Variants in ABCC2 observed in about 807,000 individuals in gnomAD.
ABCC2 encodes the protein ATP-binding cassette sub-family C member 2.
In ABCC2, 157 loss-of-function variants were observed where a neutral mutation model predicts 173.4. That is an observed-to-expected ratio of 0.91 (90% confidence interval 0.80 to 1.03). ABCC2 has a LOEUF of 1.03. Among genes scored for constraint, ABCC2 ranks in the 50% least tolerant of loss-of-function variants. ABCC2 has a pLI of 0.00. For synonymous variants in ABCC2, 657 were observed against 693.5 expected, an observed-to-expected ratio of 0.95 and a Z score of 0.83; for missense variants, 1,822 against 1,852.3, an observed-to-expected ratio of 0.98 and a Z score of 0.30.
chr10:99,784,130 G>A (rs1270797736), intron 1 of ABCC2, among the ~76,000 whole-genome samples: 6 of 151,952 alleles, frequency 3.9e-5, no homozygotes, highest in Non-Finnish European at 8.8e-5. Context: ...GGTTTTTAAT[G>A]TAAGCGCTTT....
At chr10:99,815,308 G>T (rs2038389579) in intron 16 of ABCC2, among the ~76,000 whole-genome samples, 1 of 152,068 alleles carries the variant, frequency 6.6e-6, no homozygotes, top group South Asian at 2.1e-4. Flanking sequence ...GTATTCCATG[G>T]TATATATGTA....
At chr10:99,799,483 C>T (rs2037977514) in intron 8 of ABCC2, 113 bp downstream of exon 8, 5 of 1,299,730 alleles carry the variant, frequency 3.8e-6, no homozygotes, top group African/African-American at 1.5e-5. Flanking sequence ...TAAAAATGCT[C>T]GTAATTTTCT....
chr10:99,798,300 A>ACATT (rs2037955805), intron 7 of ABCC2, among the ~76,000 whole-genome samples: 1 of 152,100 alleles, frequency 6.6e-6, no homozygotes, highest in South Asian at 2.1e-4. Flanking sequence ...ATTGTGAGAG[A>ACATT]GTATCACTGG....
chr10:99,834,554 A>T lies in ABCC2; in HGVS notation c.3414+19A>T. 6.2e-7 allele frequency: 1 copy of T among 1,612,518 alleles called. No individual in the cohort carries two copies. Among genetic ancestry groups the T allele is most frequent in the Non-Finnish European group, 8.5e-7 (1 of 1,178,554 alleles). The stretch of plus-strand genomic sequence containing the variant: ...TGTTCAGGTAGGTTTGGAAATGGCT[A>T]AGTCATCCTTCCTTCCTCTCTATCT... On this transcript the variant is annotated intron_variant, in intron 24 of 31. Coordinates refer to ENST00000647814, the MANE Select transcript of ABCC2 (RefSeq NM_000392.5).
At chr10:99,815,802 G>A (rs2038397667) in intron 16 of ABCC2, among the ~76,000 whole-genome samples, 1 of 152,088 alleles carries the variant, frequency 6.6e-6, no homozygotes, top group Non-Finnish European at 1.5e-5. Context: ...TCCTGATTTA[G>A]CAATCACTAA....
intron 7 of ABCC2, 100 bp from the exon 8 acceptor site, chr10:99,799,107 A>T: frequency 7.4e-7 from 1 of 1,357,110 alleles, no homozygotes; most frequent in Non-Finnish European, 1.0e-6. Flanking sequence ...CAAAACCTGT[A>T]CAGAGAAGGC....
chr10:99,844,663 C>T lies in ABCC2; in HGVS notation c.3987+198C>T, dbSNP rs55868143. Among the ~76,000 whole-genome samples, 1,092 of 152,340 alleles carry T rather than the reference C, an allele frequency of 7.2e-3. 9 individuals carry two copies. Among genetic ancestry groups the T allele is most frequent in the Non-Finnish European group, 0.012 (820 of 68,024 alleles). On this transcript the variant is annotated intron_variant, in intron 28 of 31. Coordinates refer to ENST00000647814, the MANE Select transcript of ABCC2 (RefSeq NM_000392.5). ...AGCCAGGGATCACACAGACTTACCG[C>T]AGCTGTCGGGGCCTTCTGCTCAGCT... is the stretch of plus-strand genomic sequence containing the variant.
At chr10:99,785,000 T>C (rs1015560734) in intron 2 of ABCC2, among the ~76,000 whole-genome samples, 3 of 152,188 alleles carry the variant, frequency 2.0e-5, no homozygotes, top group African/African-American at 7.2e-5. Flanking sequence ...TCTTAATTCT[T>C]GTGGATATTG....
intron 9 of ABCC2, among the ~76,000 whole-genome samples, chr10:99,803,248 C>T (rs1181252670): frequency 6.6e-6 from 1 of 152,198 alleles, no homozygotes; most frequent in Non-Finnish European, 1.5e-5. Context: ...GGATTACAGG[C>T]GTGAGCCACT....
chr10:99,843,061 A>G (rs1256488383), intron 26 of ABCC2, among the ~76,000 whole-genome samples: 1 of 152,054 alleles, frequency 6.6e-6, no homozygotes, highest in East Asian at 1.9e-4. Flanking sequence ...TCAAAAAAAA[A>G]AAAAAAGAAG....
chr10:99,814,501 G>T (rs1284891763), intron 16 of ABCC2, among the ~76,000 whole-genome samples: 6 of 101,410 alleles, frequency 5.9e-5, no homozygotes, highest in African/African-American at 1.7e-4. Context: ...AAACATATAT[G>T]TGTGTGTATG....
At chr10:99,791,100 T>C (rs751497596) in intron 2 of ABCC2, among the ~76,000 whole-genome samples, 21 of 152,150 alleles carry the variant, frequency 1.4e-4, no homozygotes, top group Non-Finnish European at 2.8e-4. Flanking sequence ...CAAATACTGA[T>C]TGGCATTGTC....
rs371697049 is a variant in ABCC2 at position 99,844,345 on chromosome 10, G to A, written c.3867G>A (p.Arg1289=). 4 of 1,614,056 alleles carry A rather than the reference G, an allele frequency of 2.5e-6. No individual in the cohort carries two copies. The African/African-American group carries it at 5.3e-5, about 22-fold the overall frequency. ...ENEAPWVTDK[R]PPPDWPSKGK... ...AGGCACCCTGGGTGACTGATAAGAGGCCTCCGCCAGATTGGCCCAGCAAAG... is the reference window on the plus strand; with the variant it reads ...AGGCACCCTGGGTGACTGATAAGAGACCTCCGCCAGATTGGCCCAGCAAAG... Residue 1289 remains arginine, a synonymous_variant, in exon 28 of 32, where the codon AGG becomes AGA. Coordinates refer to ENST00000647814, the MANE Select transcript of ABCC2 (RefSeq NM_000392.5).
chr10:99,849,741 A>C (rs1247322753), intron 30 of ABCC2, among the ~76,000 whole-genome samples: 2 of 152,238 alleles, frequency 1.3e-5, no homozygotes, highest in Non-Finnish European at 2.9e-5. Flanking sequence ...CTGGAAGTTC[A>C]TCTTGGGTGA....
At chr10:99,817,620 C>A in intron 17 of ABCC2, 136 bp downstream of exon 17, 1 of 992,740 alleles carries the variant, frequency 1.0e-6, no homozygotes, top group Non-Finnish European at 1.5e-6. Flanking sequence ...CACCAGAAAT[C>A]ATGTGTTTGT....
chr10:99,820,390 T>TCA (rs10555122), intron 19 of ABCC2, among the ~76,000 whole-genome samples: 48 of 146,568 alleles, frequency 3.3e-4, no homozygotes, highest in Admixed American at 1.0e-3. Context: ...AAACTCCATC[T>TCA]CACACACACA....
intron 23 of ABCC2, 116 bp from the exon 24 acceptor site, chr10:99,834,264 A>G (rs2038783757): frequency 1.9e-6 from 2 of 1,030,888 alleles, no homozygotes; most frequent in South Asian, 2.7e-5. Context: ...AAATGATTAC[A>G]TGAAGGAGTA....
At chr10:99,817,583 A>G (rs1304382402) in intron 17 of ABCC2, 99 bp downstream of exon 17, 17 of 1,304,628 alleles carry the variant, frequency 1.3e-5, no homozygotes, top group Non-Finnish European at 1.6e-5. Context: ...CTAGTTGATT[A>G]ATTTAGGTAG....
Position 99,817,323 on chromosome 10 carries a change from G to A in ABCC2, c.2110G>A (p.Val704Ile), listed in dbSNP as rs753424054. The change falls in exon 17 of 32, where the codon GTC (valine) becomes ATC (isoleucine). Residue 704 changes from valine (V) to isoleucine (I), a missense_variant. Transcript: ENST00000647814. Reference sequence around the variant, plus strand: ...TTTCATCTAGGGCACCACTGCCTATGTCCCACAGCAGTCCTGGATTCAGAA... The same window carrying A: ...TTTCATCTAGGGCACCACTGCCTATATCCCACAGCAGTCCTGGATTCAGAA... Reference protein sequence around the residue: ...HITIKGTTAYVPQQSWIQNGT... With the variant: ...HITIKGTTAYIPQQSWIQNGT... 1 of 1,614,140 alleles carries A rather than the reference G, an allele frequency of 6.2e-7. No homozygotes were observed. Among genetic ancestry groups the A allele is most frequent in the Admixed American group, 1.7e-5 (1 of 60,012 alleles).
Sources: allele counts gnomAD v4.1 joint callset (sites outside exome capture counted in the v4.1 genomes callset), GRCh38; gene constraint gnomAD v4.1.1; transcripts MANE v1.5; gene names NCBI Gene and HGNC (gene_info 2026-07-23, HGNC 2026-07-21).